The following CDIN1 variants were observed in gnomAD, a reference collection of about 807,000 sequenced individuals.
CDIN1 encodes CDAN1 interacting nuclease 1.
Under a neutral mutation model 45.3 loss-of-function variants are expected in CDIN1, and 33 were observed. The observed-to-expected ratio is 0.73, with a 90% CI of 0.55 to 0.97. CDIN1 has a LOEUF of 0.97. CDIN1 is among the 50% of genes least tolerant of loss of function. The pLI, the probability that CDIN1 is intolerant of heterozygous loss-of-function variation, is 0.00. For synonymous variants in CDIN1, 118 were observed against 124.4 expected (o/e 0.95, Z 0.34); for missense variants, 303 against 339.4 (o/e 0.89, Z 0.84).
chr15:36,644,831 T>C (rs745816479), intron 2 of CDIN1, among the ~76,000 whole-genome samples: 1 of 152,166 alleles, frequency 6.6e-6, no homozygotes, highest in Non-Finnish European at 1.5e-5. Flanking sequence ...AAATGGCAAT[T>C]GGATTGTAAA....
At chr15:36,778,571 C>A (rs1016288102) in intron 10 of CDIN1, among the ~76,000 whole-genome samples, 1 of 152,126 alleles carries the variant, frequency 6.6e-6, no homozygotes, top group Admixed American at 6.5e-5. Flanking sequence ...ATCAATAACA[C>A]CTTGAGGTTT....
At chr15:36,598,786 C>G (rs148879863) in intron 1 of CDIN1, among the ~76,000 whole-genome samples, 442 of 151,546 alleles carry the variant, frequency 2.9e-3, no homozygotes, top group African/African-American at 9.3e-3. Flanking sequence ...TTTTTGGTCT[C>G]TTGAATATTA....
At chr15:36,612,647 A>G (rs2038703045) in intron 1 of CDIN1, among the ~76,000 whole-genome samples, 1 of 152,144 alleles carries the variant, frequency 6.6e-6, no homozygotes, top group African/African-American at 2.4e-5. Flanking sequence ...GCATGTTATG[A>G]TGCTGAGCGT....
intron 1 of CDIN1, among the ~76,000 whole-genome samples, chr15:36,592,343 T>C (rs144979828): frequency 2.0e-5 from 3 of 152,266 alleles, no homozygotes; most frequent in East Asian, 1.9e-4. Context: ...ACCACAGAAA[T>C]TGGCAAATGG....
intron 3 of CDIN1, among the ~76,000 whole-genome samples, chr15:36,653,494 GT>G (rs1207335497): frequency 6.6e-6 from 1 of 151,932 alleles, no homozygotes; most frequent in Non-Finnish European, 1.5e-5. Context: ...CATGTCTGGG[GT>G]TTTGTTTTGT....
chr15:36,691,053 T>C (rs992223690), intron 5 of CDIN1: 13 of 455,444 alleles, frequency 2.9e-5, no homozygotes, highest in African/African-American at 1.8e-4. Flanking sequence ...AACTTGTGTG[T>C]GTGTGTCTCT....
At chr15:36,739,224 T>G (rs987750009) in intron 10 of CDIN1, among the ~76,000 whole-genome samples, 1 of 152,140 alleles carries the variant, frequency 6.6e-6, no homozygotes, top group Admixed American at 6.5e-5. Flanking sequence ...AGACCCTGTT[T>G]CAACAACAAC....
chr15:36,706,373 G>A (rs1187109476), intron 8 of CDIN1: 1 of 152,216 alleles, frequency 6.6e-6, no homozygotes, highest in Non-Finnish European at 1.5e-5. Context: ...ACCACTTTGG[G>A]AGGCCGAGGC....
intron 10 of CDIN1, among the ~76,000 whole-genome samples, chr15:36,768,573 C>G (rs997059065): frequency 1.3e-5 from 2 of 152,064 alleles, no homozygotes; most frequent in African/African-American, 4.8e-5. Context: ...ATTTGGGAAG[C>G]CAAATCTGAG....
intron 1 of CDIN1, among the ~76,000 whole-genome samples, chr15:36,581,061 A>G: frequency 6.6e-6 from 1 of 152,246 alleles, no homozygotes; most frequent in East Asian, 1.9e-4. Flanking sequence ...GATTTGATTT[A>G]GGGCAATATT....
At chr15:36,783,281 C>T (rs1223314133) in intron 10 of CDIN1, among the ~76,000 whole-genome samples, 2 of 151,954 alleles carry the variant, frequency 1.3e-5, no homozygotes, top group African/African-American at 2.4e-5. Flanking sequence ...CAGCCGCACA[C>T]CAGCAGTTCG....
At chr15:36,691,572 C>A in intron 5 of CDIN1, 113 bp from the exon 6 acceptor site, 1 of 643,380 alleles carries the variant, frequency 1.6e-6, no homozygotes, top group South Asian at 2.2e-5. Flanking sequence ...ATGATTAATG[C>A]CAGTCATATT....
chr15:36,647,909 G>A (rs1189442855), intron 3 of CDIN1, among the ~76,000 whole-genome samples: 1 of 150,112 alleles, frequency 6.7e-6, no homozygotes, highest in African/African-American at 2.5e-5. Context: ...ACGCAATCTC[G>A]GCTCACTGCA....
chr15:36,731,882 A>G (rs1455202218), intron 10 of CDIN1, among the ~76,000 whole-genome samples: 1 of 152,190 alleles, frequency 6.6e-6, no homozygotes, highest in African/African-American at 2.4e-5. Flanking sequence ...TAAGGAAGAT[A>G]TTTATAAACT....
intron 5 of CDIN1, among the ~76,000 whole-genome samples, chr15:36,681,254 C>T (rs558952128): frequency 6.6e-6 from 1 of 152,110 alleles, no homozygotes; most frequent in South Asian, 2.1e-4. Context: ...AAATAACAGT[C>T]ATTGAGAAGC....
chr15:36,652,318 A>G (rs1020772236), intron 3 of CDIN1, among the ~76,000 whole-genome samples: 14 of 152,194 alleles, frequency 9.2e-5, no homozygotes, highest in Non-Finnish European at 1.5e-4. Context: ...TAGCGCTCCA[A>G]AATACTTGTC....
chr15:36,697,197 A>C, intron 7 of CDIN1, 126 bp from the exon 8 acceptor site: 5 of 761,030 alleles, frequency 6.6e-6, no homozygotes, highest in Non-Finnish European at 1.1e-5. Flanking sequence ...GGATGTGTGT[A>C]GAGATTTCAT....
chr15:36,800,905 G>GTATATATATATATA (rs1437486563), intron 10 of CDIN1, among the ~76,000 whole-genome samples: 28 of 22,082 alleles, frequency 1.3e-3, no homozygotes, highest in African/African-American at 2.3e-3. Flanking sequence ...GTGTGTGTGT[G>GTATATATATATATA]TGTGTATATA....
chr15:36,634,421 TCAA>T (rs916682249), intron 1 of CDIN1, among the ~76,000 whole-genome samples: 59 of 152,172 alleles, frequency 3.9e-4, no homozygotes, highest in Admixed American at 1.2e-3. Context: ...AGACTCCGTC[TCAA>T]CAACAACAAC....
Sources: gnomAD v4.1 joint callset for allele counts (sites outside exome capture counted in the v4.1 genomes callset) on GRCh38, gnomAD v4.1.1 for gene constraint, MANE v1.5 for transcripts, NCBI Gene and HGNC (gene_info 2026-07-23, HGNC 2026-07-21) for gene names.